The following TM9SF2 variants were observed in gnomAD, a reference collection of about 807,000 sequenced individuals.
TM9SF2 encodes transmembrane 9 superfamily member 2.
Under a neutral mutation model 84.9 loss-of-function variants are expected in TM9SF2, and 13 were observed. The ratio of observed to expected loss-of-function variants is 0.15; its 90% confidence interval spans 0.10 to 0.24. TM9SF2 has a LOEUF of 0.24. Among genes scored for constraint, TM9SF2 ranks in the 10% least tolerant of loss-of-function variants. The pLI, the probability that TM9SF2 is intolerant of heterozygous loss-of-function variation, is 1.00. For missense variants in TM9SF2, 562 were observed against 818.5 expected, an observed-to-expected ratio of 0.69 and a Z score of 3.82; for synonymous variants, 273 against 285.8, an observed-to-expected ratio of 0.96 and a Z score of 0.45.
chr13:99,510,071 C>G (rs1236012474), intron 1 of TM9SF2, among the ~76,000 whole-genome samples: 1 of 152,220 alleles, frequency 6.6e-6, no homozygotes, highest in African/African-American at 2.4e-5. Context: ...CAGAGTTCCA[C>G]AGATCCCTAG....
chr13:99,506,188 A>G (rs1035102421), intron 1 of TM9SF2, among the ~76,000 whole-genome samples: 3 of 152,246 alleles, frequency 2.0e-5, no homozygotes, highest in African/African-American at 7.2e-5. Context: ...CTTTAAGAAA[A>G]TAGTCCTGAA....
At chr13:99,517,558 C>T (rs761832357) in intron 1 of TM9SF2, 56 bp from the exon 2 acceptor site, 80 of 1,195,630 alleles carry the variant, frequency 6.7e-5, no homozygotes, top group Non-Finnish European at 9.5e-5. Flanking sequence ...CTAAGCATGA[C>T]TTAAGGCTTT....
At chr13:99,547,725 G>A (rs1404601520) in intron 11 of TM9SF2, among the ~76,000 whole-genome samples, 8 of 152,324 alleles carry the variant, frequency 5.3e-5, no homozygotes, top group Non-Finnish European at 8.8e-5. Context: ...GGACTGGATG[G>A]CTTAGAAAGC....
At chr13:99,513,606 A>G (rs2046122402) in intron 1 of TM9SF2, among the ~76,000 whole-genome samples, 1 of 152,228 alleles carries the variant, frequency 6.6e-6, no homozygotes, top group Non-Finnish European at 1.5e-5. Flanking sequence ...CTGAGATTTG[A>G]ATTCAAATAA....
At chr13:99,543,131 CA>C in intron 9 of TM9SF2, among the ~76,000 whole-genome samples, 1 of 152,320 alleles carries the variant, frequency 6.6e-6, no homozygotes, top group Admixed American at 6.5e-5. Context: ...GTCTGCCCCT[CA>C]TTTACATGGC....
chr13:99,501,706 G>T lies in TM9SF2; in HGVS notation c.100G>T (p.Gly34Cys), dbSNP rs139043479. 9.1e-5 allele frequency: 147 copies of T among 1,611,850 alleles called. No homozygotes were observed. Among genetic ancestry groups the T allele is most frequent in the Non-Finnish European group, 1.2e-4 (141 of 1,179,634 alleles). The change falls in exon 1 of 17, where the codon GGC (glycine) becomes TGC (cysteine). Residue 34 changes from glycine to cysteine, a missense_variant. Gly to Cys is a radical substitution (Grantham distance 159). Transcript: ENST00000376387. ...GGCGGTTCCTGGCCCGCGCCGGAGC[G>T]GCGCTTTCTACCTGCCCGGCCTGGC... ...LGAVPGPRRS[G>C]AFYLPGLAPV...
chr13:99,522,338 T>G (rs1243523548), intron 3 of TM9SF2, among the ~76,000 whole-genome samples: 1 of 152,164 alleles, frequency 6.6e-6, no homozygotes, highest in Non-Finnish European at 1.5e-5. Flanking sequence ...AATATTCTAA[T>G]CTGAAATTGT....
chr13:99,515,998 C>G (rs368022172), intron 1 of TM9SF2, among the ~76,000 whole-genome samples: 5 of 152,182 alleles, frequency 3.3e-5, no homozygotes, highest in African/African-American at 1.2e-4. Context: ...TCCCAAAGTG[C>G]TGGGGTTACA....
intron 2 of TM9SF2, among the ~76,000 whole-genome samples, chr13:99,518,843 G>T (rs1246336129): frequency 6.7e-6 from 1 of 150,282 alleles, no homozygotes. Context: ...TAAACTCTTG[G>T]GTTCAAGTGA....
intron 16 of TM9SF2, among the ~76,000 whole-genome samples, chr13:99,560,547 T>G (rs1416607628): frequency 6.6e-6 from 1 of 152,214 alleles, no homozygotes. Flanking sequence ...TGTCCATAAA[T>G]GCATATACAG....
intron 1 of TM9SF2, among the ~76,000 whole-genome samples, chr13:99,511,487 A>G (rs2046113672): frequency 6.6e-6 from 1 of 152,174 alleles, no homozygotes; most frequent in East Asian, 1.9e-4. Flanking sequence ...TTGCTGCAAG[A>G]GTTGATATTT....
intron 15 of TM9SF2, 22 bp from the exon 16 acceptor site, chr13:99,559,341 T>C: frequency 6.4e-7 from 1 of 1,552,996 alleles, no homozygotes; most frequent in Non-Finnish European, 8.7e-7. Flanking sequence ...GTAATTCTTG[T>C]TCTTTTTTCT....
chr13:99,547,151 G>A (rs1256734474), intron 11 of TM9SF2, 47 bp downstream of exon 11: 1 of 1,605,008 alleles, frequency 6.2e-7, no homozygotes, highest in South Asian at 1.1e-5. Context: ...AAGGGACTCT[G>A]CTGCGGCTGT....
At chr13:99,530,782 C>G (rs1175604968) in intron 4 of TM9SF2, among the ~76,000 whole-genome samples, 1 of 152,082 alleles carries the variant, frequency 6.6e-6, no homozygotes, top group Admixed American at 6.5e-5. Context: ...CAGTTTGTAT[C>G]AGAATCAAAA....
chr13:99,554,997 C>T lies in TM9SF2; in HGVS notation c.1641-539C>T, dbSNP rs922124998. On this transcript the variant is annotated intron_variant, in intron 14 of 16. Coordinates refer to ENST00000376387, the MANE Select transcript of TM9SF2 (RefSeq NM_004800.3). The stretch of plus-strand genomic sequence containing the variant: ...AAAACTCATAATAGTCATTTTGAGC[C>T]ATTCTGTGTGTGTGTATATCTATAT... Among the ~76,000 whole-genome samples, 4 of 152,072 alleles carry T rather than the reference C, an allele frequency of 2.6e-5. No homozygotes were observed. In the South Asian group the frequency reaches 8.3e-4, roughly 32 times the overall value.
In TM9SF2 at chr13:99,501,569, C is replaced by G; in HGVS notation, c.-38C>G. 1 of 1,598,976 alleles carries G rather than the reference C, an allele frequency of 6.3e-7. No individual in the cohort carries two copies. Among genetic ancestry groups the G allele is most frequent in the Non-Finnish European group, 8.5e-7 (1 of 1,172,882 alleles). ...TCCCCACCCCTCCTTCCCTCTTGACCCCCTAGGTTTGATTGCCCTTTCCCC... is the reference window on the plus strand; with the variant it reads ...TCCCCACCCCTCCTTCCCTCTTGACGCCCTAGGTTTGATTGCCCTTTCCCC... On this transcript the variant is annotated 5_prime_UTR_variant, in exon 1 of 17. Coordinates refer to ENST00000376387, the MANE Select transcript of TM9SF2 (RefSeq NM_004800.3).
At chr13:99,514,234 T>A (rs780749032) in intron 1 of TM9SF2, 1 of 152,244 alleles carries the variant, frequency 6.6e-6, no homozygotes, top group Non-Finnish European at 1.5e-5. Context: ...TCTACAGTTG[T>A]GTACAGTAGT....
At chr13:99,554,229 AAAT>A (rs1159032760) in intron 13 of TM9SF2, 72 bp from the exon 14 acceptor site, 1 of 1,526,166 alleles carries the variant, frequency 6.6e-7, no homozygotes, top group African/African-American at 1.4e-5. Flanking sequence ...AAAAGCAGGC[AAAT>A]AATCTCGTGT....
intron 16 of TM9SF2, among the ~76,000 whole-genome samples, chr13:99,560,585 A>G (rs941472254): frequency 7.2e-5 from 11 of 152,240 alleles, no homozygotes; most frequent in African/African-American, 2.2e-4. Flanking sequence ...CTACACACAA[A>G]AAATAACGAT....
Sources: allele counts gnomAD v4.1 joint callset (sites outside exome capture counted in the v4.1 genomes callset), GRCh38; gene constraint gnomAD v4.1.1; transcripts MANE v1.5; gene names NCBI Gene and HGNC (gene_info 2026-07-23, HGNC 2026-07-21).